NDFIP2: variants seen among roughly 807,000 people sequenced by gnomAD.
NDFIP2 encodes Nedd4 family interacting protein 2.
A neutral mutation model predicts 36.0 loss-of-function variants in NDFIP2; 19 were observed. The observed-to-expected ratio is 0.53, with a 90% CI of 0.37 to 0.77. NDFIP2 has a LOEUF of 0.77. Among genes scored for constraint, NDFIP2 ranks in the 30% least tolerant of loss-of-function variants. NDFIP2 has a pLI of 0.00. For synonymous variants in NDFIP2, 181 were observed against 167.7 expected (o/e 1.08, Z -0.61); for missense variants, 446 against 435.8 (o/e 1.02, Z -0.21).
intron 3 of NDFIP2, among the ~76,000 whole-genome samples, chr13:79,537,764 G>T (rs1349767809): frequency 1.3e-5 from 2 of 152,148 alleles, no homozygotes; most frequent in African/African-American, 4.8e-5. Flanking sequence ...CTAATTATGT[G>T]ATATTGAGCA....
chr13:79,528,824 T>A (rs1874899434), intron 2 of NDFIP2, among the ~76,000 whole-genome samples: 1 of 152,210 alleles, frequency 6.6e-6, no homozygotes, highest in African/African-American at 2.4e-5. Flanking sequence ...ACTCTAGGTT[T>A]ATATAAGTAC....
At chr13:79,511,565 G>A (rs1286414427) in intron 1 of NDFIP2, among the ~76,000 whole-genome samples, 1 of 152,160 alleles carries the variant, frequency 6.6e-6, no homozygotes. Context: ...GGGAATCATA[G>A]AAATCTGTGA....
intron 1 of NDFIP2, among the ~76,000 whole-genome samples, chr13:79,514,771 T>C (rs568325242): frequency 7.2e-4 from 110 of 152,334 alleles, no homozygotes; most frequent in African/African-American, 2.4e-3. Flanking sequence ...AGTCTGACAA[T>C]AAAGTTTTGT....
rs543273991 is a variant in NDFIP2, at chr13:79,525,293, T to C, written c.487+4318T>C. 9.2e-5 allele frequency among the ~76,000 whole-genome samples: 14 copies of C among 152,356 alleles called. No individual in the cohort carries two copies. The South Asian group carries it at 1.0e-3, about 11-fold the overall frequency. On this transcript the variant is annotated intron_variant, in intron 2 of 7. Transcript: ENST00000218652. ...CTCTTCCATCTTAACTAAGCACTTA[T>C]CACACACTGTGGCCAAAACTTTTGC... is the stretch of plus-strand genomic sequence containing the variant.
intron 2 of NDFIP2, among the ~76,000 whole-genome samples, chr13:79,521,291 A>G (rs535448443): frequency 6.6e-6 from 1 of 152,174 alleles, no homozygotes; most frequent in Non-Finnish European, 1.5e-5. Flanking sequence ...ACTGAATACA[A>G]GGCAATAATT....
At chr13:79,533,301 T>A in intron 2 of NDFIP2, 22 bp from the exon 3 acceptor site, 1 of 1,587,310 alleles carries the variant, frequency 6.3e-7, no homozygotes, top group Non-Finnish European at 8.5e-7. Context: ...TATTGGTTAT[T>A]CTTTTTGAAT....
At chr13:79,521,089 T>A in intron 2 of NDFIP2, 114 bp downstream of exon 2, 1 of 805,466 alleles carries the variant, frequency 1.2e-6, no homozygotes, top group Non-Finnish European at 1.9e-6. Context: ...CATGGATATT[T>A]ATATATGTAT....
chr13:79,510,301 G>A (rs922025591), intron 1 of NDFIP2, among the ~76,000 whole-genome samples: 2 of 151,604 alleles, frequency 1.3e-5, no homozygotes, highest in African/African-American at 4.9e-5. Flanking sequence ...AAAGTATTAG[G>A]CAGTTAATCC....
intron 1 of NDFIP2, among the ~76,000 whole-genome samples, chr13:79,485,023 G>A (rs1370857938): frequency 6.6e-6 from 1 of 152,124 alleles, no homozygotes; most frequent in Non-Finnish European, 1.5e-5. Flanking sequence ...TGGCAAAAAA[G>A]AGGTGACCTC....
At chr13:79,517,097 A>ATT (rs1033038115) in intron 1 of NDFIP2, among the ~76,000 whole-genome samples, 61 of 151,252 alleles carry the variant, frequency 4.0e-4, no homozygotes, top group African/African-American at 1.5e-3. Context: ...CTCTGTTGTC[A>ATT]TTTTTTTTTC....
chr13:79,556,017 A>G lies in NDFIP2; in HGVS notation c.*3504A>G, dbSNP rs1288294928. ...ATCTTTTAACTTCTCAGTTATTTGT[A>G]TGTCAGGAGACAGATTGTGGTTTAA... is the stretch of plus-strand genomic sequence containing the variant. On this transcript the variant is annotated 3_prime_UTR_variant, in exon 8 of 8. Transcript: ENST00000218652. The G allele has an allele frequency of 6.6e-6, 1 of 152,168 alleles. No homozygotes were observed. Among genetic ancestry groups the G allele is most frequent in the African/African-American group, 2.4e-5 (1 of 41,452 alleles). The allele number at this position is 152,168 out of a possible 1,614,324, so 9.4% of individuals were successfully genotyped here.
In NDFIP2 at chr13:79,494,786, A is replaced by G. The variant is rs182634531; in HGVS notation, c.321+13262A>G. Reference sequence around the variant, plus strand: ...CTTGGGAGGTTAAACATTTTTTAAGACATTGAGTTTGCTGACATAAAGCTC... The same window carrying G: ...CTTGGGAGGTTAAACATTTTTTAAGGCATTGAGTTTGCTGACATAAAGCTC... On this transcript the variant is annotated intron_variant, in intron 1 of 7. Coordinates refer to ENST00000218652, the MANE Select transcript of NDFIP2 (RefSeq NM_019080.3). Among the ~76,000 whole-genome samples the G allele has an allele frequency of 3.9e-5, 6 of 152,116 alleles. No individual in the cohort carries two copies. The East Asian group carries it at 1.2e-3, about 29-fold the overall frequency.
intron 1 of NDFIP2, among the ~76,000 whole-genome samples, chr13:79,491,668 A>G (rs1873229892): frequency 6.6e-6 from 1 of 152,130 alleles, no homozygotes; most frequent in Non-Finnish European, 1.5e-5. Context: ...AGGATTTTGT[A>G]TGTATTCTAT....
chr13:79,538,353 T>C (rs1056085148), intron 3 of NDFIP2, among the ~76,000 whole-genome samples: 1 of 152,170 alleles, frequency 6.6e-6, no homozygotes, highest in African/African-American at 2.4e-5. Flanking sequence ...CAGAATCTTA[T>C]TCCAGCATTA....
intron 1 of NDFIP2, among the ~76,000 whole-genome samples, chr13:79,504,519 C>T (rs1360074842): frequency 3.9e-5 from 6 of 152,072 alleles, no homozygotes; most frequent in Admixed American, 3.3e-4. Flanking sequence ...CACCAGTTTT[C>T]CTACTAATGT....
intron 4 of NDFIP2, among the ~76,000 whole-genome samples, chr13:79,543,026 A>C (rs1377643287): frequency 1.3e-5 from 2 of 151,750 alleles, no homozygotes; most frequent in African/African-American, 4.8e-5. Context: ...ACAGGTGCCC[A>C]CCACCACACC....
intron 4 of NDFIP2, among the ~76,000 whole-genome samples, chr13:79,541,322 A>G (rs1417293317): frequency 6.6e-6 from 1 of 151,578 alleles, no homozygotes; most frequent in Non-Finnish European, 1.5e-5. Context: ...CCTTTCACTG[A>G]TGTGTTATAA....
chr13:79,521,252 C>T (rs761869963), intron 2 of NDFIP2, among the ~76,000 whole-genome samples: 25 of 151,930 alleles, frequency 1.6e-4, no homozygotes, highest in South Asian at 4.2e-4. Context: ...GAAGGGTGTA[C>T]GTAGTGATAT....
chr13:79,541,813 A>G (rs1875467174), intron 4 of NDFIP2, among the ~76,000 whole-genome samples: 1 of 152,184 alleles, frequency 6.6e-6, no homozygotes, highest in Non-Finnish European at 1.5e-5. Context: ...CAATAAGACT[A>G]TTTCAATTAA....
Sources: allele counts gnomAD v4.1 joint callset (sites outside exome capture counted in the v4.1 genomes callset), GRCh38; gene constraint gnomAD v4.1.1; transcripts MANE v1.5; gene names NCBI Gene and HGNC (gene_info 2026-07-23, HGNC 2026-07-21).